RAD51B: variants seen among roughly 807,000 people sequenced by gnomAD.
RAD51B encodes the protein DNA repair protein RAD51 homolog 2.
RAD51B carries 38 observed loss-of-function variants against 42.2 expected under a neutral mutation model. That is an observed-to-expected ratio of 0.90 (90% CI 0.70 to 1.18). The LOEUF (loss-of-function observed/expected upper bound fraction) is 1.18, where lower values mean the gene tolerates loss of function less well. Ranked by LOEUF, RAD51B falls within the 50% of genes most tolerant of loss-of-function variation. The pLI is 0.00. For synonymous variants in RAD51B, 154 were observed against 145.2 expected (o/e 1.06, Z -0.43); for missense variants, 373 against 400.7 (o/e 0.93, Z 0.59).
At chr14:68,552,148 C>T (rs574501116) in intron 10 of RAD51B, among the ~76,000 whole-genome samples, 1 of 152,290 alleles carries the variant, frequency 6.6e-6, no homozygotes, top group South Asian at 2.1e-4. Flanking sequence ...TGGATTTAAG[C>T]GTAGTGATGC....
chr14:68,159,408 T>C (rs962087786), intron 7 of RAD51B, among the ~76,000 whole-genome samples: 10 of 151,836 alleles, frequency 6.6e-5, no homozygotes, highest in African/African-American at 2.4e-4. Flanking sequence ...GATCATGAGG[T>C]CAGGAGTTCG....
chr14:68,209,530 T>C (rs962395169), intron 7 of RAD51B, among the ~76,000 whole-genome samples: 8 of 152,210 alleles, frequency 5.3e-5, no homozygotes, highest in African/African-American at 1.9e-4. Flanking sequence ...AAATTTTCTT[T>C]GTTGCCTTGT....
At chr14:68,180,555 T>C (rs1181031172) in intron 7 of RAD51B, among the ~76,000 whole-genome samples, 1 of 152,136 alleles carries the variant, frequency 6.6e-6, no homozygotes, top group Admixed American at 6.5e-5. Context: ...ACTTACAACT[T>C]TATGAGCAGC....
At chr14:68,458,876 A>T (rs1235702633) in intron 9 of RAD51B, among the ~76,000 whole-genome samples, 1 of 152,090 alleles carries the variant, frequency 6.6e-6, no homozygotes, top group Non-Finnish European at 1.5e-5. Context: ...ACTTCTACAG[A>T]TCTTGCTCTT....
intron 7 of RAD51B, among the ~76,000 whole-genome samples, chr14:68,100,792 A>G (rs772102464): frequency 1.3e-5 from 2 of 152,200 alleles, no homozygotes; most frequent in Non-Finnish European, 2.9e-5. Context: ...AGTGAAGCCC[A>G]AAAGTGTTAA....
At chr14:67,902,197 A>G (rs1356258047) in intron 7 of RAD51B, among the ~76,000 whole-genome samples, 1 of 152,144 alleles carries the variant, frequency 6.6e-6, no homozygotes, top group Non-Finnish European at 1.5e-5. Flanking sequence ...CATAAGGCTT[A>G]ATATTATTAC....
intron 7 of RAD51B, among the ~76,000 whole-genome samples, chr14:67,915,560 G>A (rs2044123051): frequency 6.6e-6 from 1 of 152,202 alleles, no homozygotes; most frequent in South Asian, 2.1e-4. Flanking sequence ...AAGATAGCAT[G>A]AGGATCTTGT....
At chr14:68,280,095 G>C (rs1452942106) in intron 7 of RAD51B, among the ~76,000 whole-genome samples, 2 of 152,208 alleles carry the variant, frequency 1.3e-5, no homozygotes, top group East Asian at 3.8e-4. Context: ...GACAGAAATA[G>C]AACCCAGGAG....
intron 9 of RAD51B, among the ~76,000 whole-genome samples, chr14:68,456,386 G>T (rs2085686761): frequency 6.6e-6 from 1 of 152,138 alleles, no homozygotes; most frequent in African/African-American, 2.4e-5. Flanking sequence ...AAAGTAAAAA[G>T]ATGGAAAAAT....
intron 7 of RAD51B, among the ~76,000 whole-genome samples, chr14:68,170,913 A>T (rs1310228110): frequency 6.6e-6 from 1 of 152,244 alleles, no homozygotes. Flanking sequence ...AACTTCACTG[A>T]GTTTTAGACC....
At chr14:68,143,262 A>T (rs1325356862) in intron 7 of RAD51B, among the ~76,000 whole-genome samples, 1 of 152,194 alleles carries the variant, frequency 6.6e-6, no homozygotes, top group African/African-American at 2.4e-5. Context: ...TTTACAAATC[A>T]TCTAATTCTA....
At chr14:67,970,121 A>C (rs1476761400) in intron 7 of RAD51B, among the ~76,000 whole-genome samples, 1 of 152,144 alleles carries the variant, frequency 6.6e-6, no homozygotes, top group Non-Finnish European at 1.5e-5. Context: ...CATCTTTAGC[A>C]TGTAGTAGAT....
At chr14:68,428,572 C>T (rs951847251) in intron 9 of RAD51B, among the ~76,000 whole-genome samples, 2 of 151,740 alleles carry the variant, frequency 1.3e-5, no homozygotes, top group African/African-American at 4.8e-5. Flanking sequence ...CATCATTCTA[C>T]TCTGTTTCTA....
At chr14:68,112,235 T>G (rs1046824358) in intron 7 of RAD51B, among the ~76,000 whole-genome samples, 1 of 152,122 alleles carries the variant, frequency 6.6e-6, no homozygotes, top group Non-Finnish European at 1.5e-5. Flanking sequence ...CTGGAGTCTC[T>G]TCTTCCATTG....
intron 7 of RAD51B, among the ~76,000 whole-genome samples, chr14:67,953,352 C>A (rs1334402466): frequency 1.3e-5 from 2 of 151,816 alleles, no homozygotes; most frequent in Non-Finnish European, 2.9e-5. Flanking sequence ...GAACAGGAAG[C>A]CTGATTTAGG....
chr14:68,045,259 A>AAAG (rs2076282802), intron 7 of RAD51B, among the ~76,000 whole-genome samples: 1 of 150,868 alleles, frequency 6.6e-6, no homozygotes, highest in Non-Finnish European at 1.5e-5. Context: ...AAAAAAAAAA[A>AAAG]AAAAGAAAAG....
intron 3 of RAD51B, among the ~76,000 whole-genome samples, chr14:67,833,697 G>C (rs1354654278): frequency 6.6e-6 from 1 of 152,154 alleles, no homozygotes. Flanking sequence ...ATTATTTCTG[G>C]AATTATCCAT....
chr14:67,856,355 A>AT (rs1315244295), intron 4 of RAD51B, among the ~76,000 whole-genome samples: 14 of 150,880 alleles, frequency 9.3e-5, no homozygotes, highest in African/African-American at 9.7e-5. Flanking sequence ...CCTTTCTGAG[A>AT]TTCTTTTTTT....
chr14:68,523,810 A>G (rs1454710893), intron 10 of RAD51B, among the ~76,000 whole-genome samples: 1 of 152,204 alleles, frequency 6.6e-6, no homozygotes, highest in Non-Finnish European at 1.5e-5. Flanking sequence ...TGAAAAAACA[A>G]AAACCTACAT....
Sources: allele counts gnomAD v4.1 joint callset (sites outside exome capture counted in the v4.1 genomes callset), GRCh38; gene constraint gnomAD v4.1.1; transcripts MANE v1.5; gene names NCBI Gene and HGNC (gene_info 2026-07-23, HGNC 2026-07-21).